Variants in EPHA10 observed in about 807,000 individuals in gnomAD.
EPHA10 encodes ephrin type-A receptor 10.
Under a neutral mutation model 109.7 loss-of-function variants are expected in EPHA10, and 120 were observed. The ratio of observed to expected loss-of-function variants is 1.09; its 90% confidence interval spans 0.94 to 1.27. EPHA10 has a LOEUF of 1.27. Ranked by LOEUF, EPHA10 falls within the 50% of genes most tolerant of loss-of-function variation. The probability of loss-of-function intolerance (pLI) is 0.00; values close to 1 mark genes in which losing one functional copy is unlikely to be tolerated. For synonymous variants in EPHA10, 640 were observed against 618.9 expected, an observed-to-expected ratio of 1.03 and a Z score of -0.51; for missense variants, 1,396 against 1,411.1, an observed-to-expected ratio of 0.99 and a Z score of 0.17.
At position 37,722,955 on chromosome 1, in the gene EPHA10, T is replaced by C. The variant is rs766742540; in HGVS notation, c.1960+86A>G. 1.1e-5 allele frequency: 18 copies of C among 1,594,518 alleles called. No homozygotes were observed. The East Asian group carries it at 2.5e-4, about 22-fold the overall frequency. On this transcript the variant is annotated intron_variant, in intron 10 of 16. Transcript: ENST00000373048. ...ACCTGGGTGGAGGTGGGCTTCAGGA[T>C]AGAGGTGTGGACAGAGTAGGGGCGG...
Position 37,747,763 on chromosome 1 carries a change from A to G in EPHA10, c.1357+5113T>C, listed in dbSNP as rs542651115. The stretch of plus-strand genomic sequence containing the variant: ...AGCCTGGGCAACAGAGTGAGACTCC[A>G]TCTCAAAAATAATAATAATAATAAA... On this transcript the variant is annotated intron_variant, in intron 5 of 16. Transcript: ENST00000373048. Among the ~76,000 whole-genome samples the G allele has an allele frequency of 2.4e-4, 36 of 152,012 alleles. 1 individual carries two copies. Among genetic ancestry groups the G allele is most frequent in the African/African-American group, 8.7e-4 (36 of 41,454 alleles).
chr1:37,753,274 G>A, intron 4 of EPHA10, 48 bp from the exon 5 acceptor site: 1 of 863,354 alleles, frequency 1.2e-6, no homozygotes, highest in Non-Finnish European at 1.5e-6. Flanking sequence ...GTGGGTGCCC[G>A]TGAGAGGGGC....
intron 6 of EPHA10, among the ~76,000 whole-genome samples, chr1:37,735,050 G>A (rs976277396): frequency 6.6e-6 from 1 of 152,166 alleles, no homozygotes. Context: ...GAGATGGTTG[G>A]TGTTGGAGAT....
chr1:37,753,707 T>C (rs148759295), intron 4 of EPHA10, among the ~76,000 whole-genome samples: 6 of 12,946 alleles, frequency 4.6e-4, no homozygotes, highest in South Asian at 5.7e-3. Context: ...GGAGCAGGGG[T>C]GAGTGGGAGC....
chr1:37,738,581 C>T (rs1646105535), intron 5 of EPHA10, among the ~76,000 whole-genome samples: 1 of 152,120 alleles, frequency 6.6e-6, no homozygotes, highest in Non-Finnish European at 1.5e-5. Flanking sequence ...ATTGGTGCAG[C>T]TGCTATGGAA....
chr1:37,753,245 G>A lies in EPHA10; in HGVS notation c.1007-19C>T, dbSNP rs1000978230. The A allele has an allele frequency of 3.1e-6, 4 of 1,287,982 alleles. No individual in the cohort carries two copies. In the African/African-American group the frequency reaches 6.2e-5, roughly 20 times the overall value. 79.8% of individuals were successfully genotyped at this position (1,287,982 alleles called of 1,614,324 possible). A position where few individuals can be genotyped will look rare whatever the true frequency, so the allele number is the denominator to read the frequency against. On this transcript the variant is annotated intron_variant, in intron 4 of 16. Transcript: ENST00000373048. ...GGCGGCCCTGAGGCGGCACAGGGGCGGGGCGGTCAGGGCGGGGCGTGGGTG... is the reference window on the plus strand; with the variant it reads ...GGCGGCCCTGAGGCGGCACAGGGGCAGGGCGGTCAGGGCGGGGCGTGGGTG...
intron 5 of EPHA10, among the ~76,000 whole-genome samples, chr1:37,747,003 G>A (rs1046892001): frequency 2.0e-5 from 3 of 152,096 alleles, no homozygotes; most frequent in African/African-American, 7.2e-5. Context: ...TTCCTTTCAG[G>A]GTGATGAAAT....
chr1:37,732,478 C>T (rs1646000831), intron 6 of EPHA10, among the ~76,000 whole-genome samples: 1 of 152,186 alleles, frequency 6.6e-6, no homozygotes, highest in Non-Finnish European at 1.5e-5. Context: ...TTCGGTGGCT[C>T]CAGCTTTCTG....
Position 37,761,480 on chromosome 1 carries a change from C to T in EPHA10, c.775G>A (p.Asp259Asn), listed in dbSNP as rs781176065. 6 of 1,600,528 alleles carry T rather than the reference C, an allele frequency of 3.7e-6. No homozygotes were observed. In the South Asian group the frequency reaches 4.4e-5, roughly 12 times the overall value. ...CCCACAGGCACCAGCCACTCGCCGT[C>T]GGCGCCGCAGTGCATGCGTGGGGGG... ...GSPPRMHCGADGEWLVPVGRC... is the reference protein window; with the variant it reads ...GSPPRMHCGANGEWLVPVGRC... The change falls in exon 3 of 17, where the codon GAC (aspartate) becomes AAC (asparagine). Residue 259 changes from aspartate (D) to asparagine (N), a missense_variant. Transcript: ENST00000373048.
intron 8 of EPHA10, 82 bp downstream of exon 8, chr1:37,727,020 G>T: frequency 8.9e-7 from 1 of 1,126,316 alleles, no homozygotes; most frequent in Non-Finnish European, 1.3e-6. Flanking sequence ...GTGCAAAGTG[G>T]GCAGAGATGC....
intron 6 of EPHA10, chr1:37,734,660 G>C (rs763513079): frequency 2.2e-6 from 1 of 455,400 alleles, no homozygotes; most frequent in South Asian, 1.6e-5. Context: ...ATGGATACAA[G>C]AGGTCAGCAA....
At chr1:37,750,928 G>A (rs546978393) in intron 5 of EPHA10, among the ~76,000 whole-genome samples, 4 of 151,986 alleles carry the variant, frequency 2.6e-5, no homozygotes, top group South Asian at 4.2e-4. Flanking sequence ...ATTGGTAGCC[G>A]GGCGCAGTGG....
chr1:37,720,138 G>T, intron 13 of EPHA10, 80 bp from the exon 14 acceptor site: 2 of 1,551,814 alleles, frequency 1.3e-6, no homozygotes, highest in Admixed American at 1.9e-5. Flanking sequence ...CCCAGATCCA[G>T]CCTGCATGTC....
intron 5 of EPHA10, among the ~76,000 whole-genome samples, chr1:37,740,853 T>C (rs11264097): frequency 0.016 from 2,465 of 152,034 alleles, 56 homozygotes; most frequent in African/African-American, 0.056. Flanking sequence ...GGAGCCATGA[T>C]AAGGTGAAGG....
downstream of EPHA10, among the ~76,000 whole-genome samples, chr1:37,715,578 C>T (rs1196556590): frequency 3.9e-5 from 6 of 152,204 alleles, no homozygotes; most frequent in Non-Finnish European, 5.9e-5. Context: ...CCACCTGCCT[C>T]CTAGACATCT....
downstream of EPHA10, chr1:37,714,989 C>A (rs1229955564): frequency 1.3e-5 from 2 of 152,338 alleles, no homozygotes; most frequent in Non-Finnish European, 2.9e-5. Context: ...CCAGTGCCCA[C>A]ACTGACAGCC....
chr1:37,729,972 G>A (rs1229227633), intron 7 of EPHA10, among the ~76,000 whole-genome samples: 1 of 152,056 alleles, frequency 6.6e-6, no homozygotes, highest in Non-Finnish European at 1.5e-5. Flanking sequence ...GGGAGACTGG[G>A]GATCTCAGCA....
At position 37,764,752 on chromosome 1, in the gene EPHA10, G is replaced by A. The variant is rs1470080171; in HGVS notation, c.106+209C>T. On this transcript the variant is annotated intron_variant, in intron 1 of 16. Coordinates refer to ENST00000373048, the MANE Select transcript of EPHA10 (RefSeq NM_001099439.2). The surrounding 1 kb of genome is among the most constrained non-coding windows in gnomAD (Gnocchi z 5.8). Reference sequence around the variant, plus strand: ...GCCTCTTTCTTTCCCAACCTCCCGGGTCTCCAGCCCCCAAGCTCCTCAGCG... The same window carrying A: ...GCCTCTTTCTTTCCCAACCTCCCGGATCTCCAGCCCCCAAGCTCCTCAGCG... Among the ~76,000 whole-genome samples the A allele has an allele frequency of 6.6e-6, 1 of 151,908 alleles. No individual in the cohort carries two copies. Among genetic ancestry groups the A allele is most frequent in the Non-Finnish European group, 1.5e-5 (1 of 68,012 alleles).
chr1:37,764,947 A>G lies in EPHA10; in HGVS notation c.106+14T>C. 1 of 1,596,784 alleles carries G rather than the reference A, an allele frequency of 6.3e-7. No individual in the cohort carries two copies. Among genetic ancestry groups the G allele is most frequent in the Non-Finnish European group, 8.5e-7 (1 of 1,172,630 alleles). On this transcript the variant is annotated intron_variant, in intron 1 of 16. Transcript: ENST00000373048. The surrounding 1 kb of genome is among the most constrained non-coding windows in gnomAD (Gnocchi z 5.8). ...GTATGCCACGCTCCGAGCAGAGCTC[A>G]CCAGTCTTCTCACCTTCCTCGGCGG...
Sources: gnomAD v4.1 joint callset for allele counts (sites outside exome capture counted in the v4.1 genomes callset) on GRCh38, gnomAD v4.1.1 for gene constraint, Gnocchi (gnomAD v3.1) non-coding constraint, MANE v1.5 for transcripts, NCBI Gene and HGNC (gene_info 2026-07-23, HGNC 2026-07-21) for gene names.